The following ATG10 variants were observed in gnomAD, a reference collection of about 807,000 sequenced individuals.
ATG10 encodes autophagy related 10.
In ATG10, 30 loss-of-function variants were observed where a neutral mutation model predicts 32.1. The observed-to-expected ratio is 0.94, with a 90% CI of 0.70 to 1.27. The LOEUF (loss-of-function observed/expected upper bound fraction) is 1.27. ATG10 is among the 50% of genes most tolerant of loss of function. ATG10 has a pLI of 0.00. For missense variants in ATG10, 233 were observed against 262.3 expected, an observed-to-expected ratio of 0.89 and a Z score of 0.77; for synonymous variants, 87 against 91.5, an observed-to-expected ratio of 0.95 and a Z score of 0.28.
chr5:82,196,450 T>C (rs1045973914), intron 5 of ATG10, among the ~76,000 whole-genome samples: 9 of 152,182 alleles, frequency 5.9e-5, no homozygotes, highest in African/African-American at 2.2e-4. Flanking sequence ...TCTACAAAAC[T>C]GTTACGTATC....
chr5:82,012,743 C>T (rs1222759029), intron 2 of ATG10, among the ~76,000 whole-genome samples: 1 of 152,046 alleles, frequency 6.6e-6, no homozygotes, highest in Admixed American at 6.5e-5. Flanking sequence ...GCAACCTCCA[C>T]CTCCGAGGTT....
intron 5 of ATG10, among the ~76,000 whole-genome samples, chr5:82,227,333 C>T (rs927025922): frequency 1.3e-5 from 2 of 151,806 alleles, no homozygotes; most frequent in Non-Finnish European, 2.9e-5. Context: ...TAAGGTATCC[C>T]CAGGTCCCAA....
At chr5:81,974,910 A>T (rs982935708) in intron 1 of ATG10, among the ~76,000 whole-genome samples, 1 of 152,208 alleles carries the variant, frequency 6.6e-6, no homozygotes, top group African/African-American at 2.4e-5. Flanking sequence ...GTTCACTGCC[A>T]CTGCCCCATC....
intron 3 of ATG10, among the ~76,000 whole-genome samples, chr5:82,113,134 A>T (rs1411908054): frequency 6.6e-6 from 1 of 151,904 alleles, no homozygotes; most frequent in African/African-American, 2.4e-5. Context: ...CCGTTTGTTG[A>T]CATATTGCAA....
chr5:82,160,141 C>G (rs544503045), intron 3 of ATG10, among the ~76,000 whole-genome samples: 1 of 152,220 alleles, frequency 6.6e-6, no homozygotes, highest in East Asian at 1.9e-4. Context: ...AGAATAGTTC[C>G]ATCACCACAA....
chr5:82,078,257 C>T (rs1764343872), intron 3 of ATG10, among the ~76,000 whole-genome samples: 1 of 152,130 alleles, frequency 6.6e-6, no homozygotes, highest in Non-Finnish European at 1.5e-5. Flanking sequence ...CCAAAGAAGA[C>T]ACCAGAAGTC....
At chr5:81,984,819 TCTTG>T (rs1450945463) in intron 1 of ATG10, among the ~76,000 whole-genome samples, 4 of 152,246 alleles carry the variant, frequency 2.6e-5, no homozygotes, top group Admixed American at 1.3e-4. Context: ...GTTGAAATAT[TCTTG>T]CTTGATCAAA....
intron 2 of ATG10, among the ~76,000 whole-genome samples, chr5:82,027,742 C>A (rs1047425557): frequency 8.5e-5 from 13 of 152,138 alleles, no homozygotes; most frequent in African/African-American, 2.9e-4. Flanking sequence ...AAAACAAACA[C>A]AGTATCAAAA....
intron 3 of ATG10, among the ~76,000 whole-genome samples, chr5:82,068,563 T>C (rs1011835874): frequency 3.3e-5 from 5 of 151,346 alleles, no homozygotes; most frequent in Non-Finnish European, 5.9e-5. Context: ...TATATAATTC[T>C]TATCTGAAAA....
At chr5:81,996,143 TA>T (rs1445139479) in intron 2 of ATG10, among the ~76,000 whole-genome samples, 2 of 152,260 alleles carry the variant, frequency 1.3e-5, no homozygotes, top group East Asian at 3.8e-4. Context: ...AATTTACCTT[TA>T]AAATGTTTAC....
intron 3 of ATG10, among the ~76,000 whole-genome samples, chr5:82,075,545 A>G (rs1208532261): frequency 6.6e-6 from 1 of 152,222 alleles, no homozygotes; most frequent in Non-Finnish European, 1.5e-5. Flanking sequence ...AATGTTATAA[A>G]TATCTCATGT....
Position 82,003,276 on chromosome 5 carries a change from A to G in ATG10, c.108+15598A>G, listed in dbSNP as rs188380264. On this transcript the variant is annotated intron_variant, in intron 2 of 7. Coordinates refer to ENST00000282185, the MANE Select transcript of ATG10 (RefSeq NM_031482.5). Reference sequence around the variant, plus strand: ...GGAAATATCAGTAGGAATGCAAACTACATATTTTCTAGCTTTGTCTACTGA... The same window carrying G: ...GGAAATATCAGTAGGAATGCAAACTGCATATTTTCTAGCTTTGTCTACTGA... 3.7e-3 allele frequency among the ~76,000 whole-genome samples: 561 copies of G among 152,358 alleles called. 1 individual carries two copies. Among genetic ancestry groups the G allele is most frequent in the Non-Finnish European group, 6.5e-3 (443 of 68,038 alleles).
At chr5:82,240,189 A>C (rs1481958992) in intron 5 of ATG10, among the ~76,000 whole-genome samples, 1 of 152,238 alleles carries the variant, frequency 6.6e-6, no homozygotes, top group African/African-American at 2.4e-5. Flanking sequence ...AAAAGAAAGG[A>C]AATCAGCATG....
At chr5:82,087,180 G>A (rs990637430) in intron 3 of ATG10, among the ~76,000 whole-genome samples, 8 of 152,082 alleles carry the variant, frequency 5.3e-5, no homozygotes, top group Non-Finnish European at 1.0e-4. Flanking sequence ...GCAATTCACA[G>A]CAATGACATA....
At chr5:82,203,469 A>G (rs1014298735) in intron 5 of ATG10, among the ~76,000 whole-genome samples, 1 of 152,144 alleles carries the variant, frequency 6.6e-6, no homozygotes. Context: ...GTCATAGGGT[A>G]GTTGCTTTTT....
At chr5:81,982,166 TAAC>T (rs529013944) in intron 1 of ATG10, among the ~76,000 whole-genome samples, 1 of 152,158 alleles carries the variant, frequency 6.6e-6, no homozygotes, top group Admixed American at 6.5e-5. Context: ...ATGGATGTAT[TAAC>T]AACTTATGCC....
chr5:82,142,766 G>A (rs910452737), intron 3 of ATG10, among the ~76,000 whole-genome samples: 1 of 152,160 alleles, frequency 6.6e-6, no homozygotes, highest in African/African-American at 2.4e-5. Context: ...AACTAGGGGA[G>A]TGGCAAAGAT....
intron 5 of ATG10, among the ~76,000 whole-genome samples, chr5:82,211,541 T>C (rs1745491577): frequency 6.6e-6 from 1 of 152,164 alleles, no homozygotes; most frequent in Non-Finnish European, 1.5e-5. Context: ...TCTCTTTCAT[T>C]GAATATTTCT....
At chr5:82,165,222 G>A (rs535637743) in intron 4 of ATG10, among the ~76,000 whole-genome samples, 13 of 152,178 alleles carry the variant, frequency 8.5e-5, no homozygotes, top group Admixed American at 1.3e-4. Flanking sequence ...GGGATGTGCT[G>A]CCACCCAGGC....
Sources: allele counts gnomAD v4.1 joint callset (sites outside exome capture counted in the v4.1 genomes callset), GRCh38; gene constraint gnomAD v4.1.1; transcripts MANE v1.5; gene names NCBI Gene and HGNC (gene_info 2026-07-23, HGNC 2026-07-21).